The following EFNA5 variants were observed in gnomAD, a reference collection of about 807,000 sequenced individuals.
EFNA5 encodes ephrin-A5.
Under a neutral mutation model 22.9 loss-of-function variants are expected in EFNA5, and 5 were observed. The ratio of observed to expected loss-of-function variants is 0.22; its 90% confidence interval spans 0.11 to 0.46. The LOEUF is 0.46. EFNA5 is among the 20% of genes least tolerant of loss of function. EFNA5 has a pLI of 0.99. For synonymous variants in EFNA5, 113 were observed against 112.2 expected (o/e 1.01, Z -0.04); for missense variants, 237 against 293.3 (o/e 0.81, Z 1.40).
intron 2 of EFNA5, among the ~76,000 whole-genome samples, chr5:107,417,754 C>T (rs1293031055): frequency 6.6e-6 from 1 of 152,106 alleles, no homozygotes; most frequent in Non-Finnish European, 1.5e-5. Flanking sequence ...ACACAAATTT[C>T]TACATATCTC....
chr5:107,656,445 T>C (rs1750827322), intron 1 of EFNA5, among the ~76,000 whole-genome samples: 1 of 152,156 alleles, frequency 6.6e-6, no homozygotes, highest in Non-Finnish European at 1.5e-5. Flanking sequence ...CAACATATAT[T>C]ACAAAATGAT....
chr5:107,473,609 C>T (rs553948044), intron 1 of EFNA5, among the ~76,000 whole-genome samples: 9 of 151,890 alleles, frequency 5.9e-5, no homozygotes, highest in Admixed American at 5.2e-4. Context: ...AGCTCTAGAA[C>T]GTGTTATGAT....
chr5:107,496,186 A>G (rs1746977237), intron 1 of EFNA5, among the ~76,000 whole-genome samples: 1 of 147,492 alleles, frequency 6.8e-6, no homozygotes, highest in Non-Finnish European at 1.5e-5. Flanking sequence ...AAAAAAAAAA[A>G]ATACATAAAT....
At chr5:107,452,679 A>T (rs1469949073) in intron 1 of EFNA5, among the ~76,000 whole-genome samples, 1 of 152,136 alleles carries the variant, frequency 6.6e-6, no homozygotes, top group Admixed American at 6.5e-5. Flanking sequence ...GTGAATCGTG[A>T]TTGAGCCACT....
At chr5:107,539,404 G>C in intron 1 of EFNA5, among the ~76,000 whole-genome samples, 1 of 152,198 alleles carries the variant, frequency 6.6e-6, no homozygotes. Context: ...CAAGCATGGA[G>C]ATATGCTTGG....
chr5:107,622,793 G>A (rs527789460), intron 1 of EFNA5, among the ~76,000 whole-genome samples: 1 of 151,604 alleles, frequency 6.6e-6, no homozygotes. Context: ...AGGCCGAGGC[G>A]GGTGGATCAT....
At chr5:107,536,931 C>T (rs938786017) in intron 1 of EFNA5, among the ~76,000 whole-genome samples, 4 of 151,378 alleles carry the variant, frequency 2.6e-5, no homozygotes, top group Non-Finnish European at 4.4e-5. Flanking sequence ...ATGGTGAAAC[C>T]CTGTCTCTAC....
chr5:107,401,940 C>G (rs553335189), intron 2 of EFNA5, among the ~76,000 whole-genome samples: 1 of 152,304 alleles, frequency 6.6e-6, no homozygotes, highest in East Asian at 1.9e-4. Context: ...ACCCAGCTCT[C>G]TCTATTAAAG....
At chr5:107,659,951 C>G (rs913900715) in intron 1 of EFNA5, among the ~76,000 whole-genome samples, 6 of 151,738 alleles carry the variant, frequency 4.0e-5, no homozygotes, top group Non-Finnish European at 7.4e-5. Context: ...TGAAGGTAAA[C>G]CAATAGGTAT....
chr5:107,448,006 C>T (rs1263676683), intron 1 of EFNA5, among the ~76,000 whole-genome samples: 2 of 151,986 alleles, frequency 1.3e-5, no homozygotes, highest in Non-Finnish European at 2.9e-5. Context: ...GCCACCACGC[C>T]GGGCTAATTT....
chr5:107,620,207 A>C (rs1455741048), intron 1 of EFNA5, among the ~76,000 whole-genome samples: 1 of 152,222 alleles, frequency 6.6e-6, no homozygotes, highest in Non-Finnish European at 1.5e-5. Flanking sequence ...AACATTTGGC[A>C]TTTCTCATTT....
At chr5:107,667,906 G>A (rs1186084500) in intron 1 of EFNA5, among the ~76,000 whole-genome samples, 1 of 152,084 alleles carries the variant, frequency 6.6e-6, no homozygotes, top group Non-Finnish European at 1.5e-5. Context: ...TCTTACTATT[G>A]TTTGTGGAAA....
At chr5:107,611,366 C>G (rs932847656) in intron 1 of EFNA5, among the ~76,000 whole-genome samples, 2 of 152,132 alleles carry the variant, frequency 1.3e-5, no homozygotes, top group African/African-American at 4.8e-5. Context: ...TCAGCATACA[C>G]CTTTTTGCTA....
intron 1 of EFNA5, among the ~76,000 whole-genome samples, chr5:107,570,459 G>A (rs1748777412): frequency 6.6e-6 from 1 of 152,198 alleles, no homozygotes; most frequent in Non-Finnish European, 1.5e-5. Flanking sequence ...AAGTAGCAAT[G>A]CCTTTCATGT....
intron 1 of EFNA5, among the ~76,000 whole-genome samples, chr5:107,535,058 G>A: frequency 6.6e-6 from 1 of 152,138 alleles, no homozygotes; most frequent in Admixed American, 6.6e-5. Context: ...GTGGAAAAAA[G>A]TCTTAGTAGC....
chr5:107,656,452 T>A (rs527244175), intron 1 of EFNA5, among the ~76,000 whole-genome samples: 1 of 152,164 alleles, frequency 6.6e-6, no homozygotes, highest in Non-Finnish European at 1.5e-5. Context: ...TATTACAAAA[T>A]GATACAATTT....
chr5:107,419,194 A>T (rs189756117), intron 2 of EFNA5, among the ~76,000 whole-genome samples: 15 of 152,352 alleles, frequency 9.8e-5, no homozygotes, highest in African/African-American at 3.6e-4. Context: ...GGAAATTACA[A>T]TTAACAGAAT....
chr5:107,404,744 A>T (rs1288410939), intron 2 of EFNA5, among the ~76,000 whole-genome samples: 1 of 152,148 alleles, frequency 6.6e-6, no homozygotes, highest in African/African-American at 2.4e-5. Flanking sequence ...CTTCCTGACT[A>T]CCCTACTTCA....
At chr5:107,397,497 A>G (rs1747960117) in intron 2 of EFNA5, among the ~76,000 whole-genome samples, 1 of 152,000 alleles carries the variant, frequency 6.6e-6, no homozygotes, top group African/African-American at 2.4e-5. Flanking sequence ...GCAGTGAGCA[A>G]AGATCACGCC....
Sources: allele counts gnomAD v4.1 joint callset (sites outside exome capture counted in the v4.1 genomes callset), GRCh38; gene constraint gnomAD v4.1.1; transcripts MANE v1.5; gene names NCBI Gene and HGNC (gene_info 2026-07-23, HGNC 2026-07-21).